PRRT1B: variants seen among roughly 807,000 people sequenced by gnomAD.
PRRT1B encodes the protein proline rich transmembrane protein 1B.
intron 1 of PRRT1B, among the ~76,000 whole-genome samples, chr9:131,549,844 G>A (rs1013345416): frequency 3.9e-5 from 6 of 152,016 alleles, no homozygotes; most frequent in African/African-American, 1.2e-4. Flanking sequence ...TTATTAGGCC[G>A]AGACATTTTA....
At chr9:131,545,556 CGACGGCA>C (rs1422893271) in exon 1 of PRRT1B, 2 of 396,374 alleles carry the variant, frequency 5.0e-6, no homozygotes, top group African/African-American at 4.1e-5. Context: ...GGAGCCGGCC[CGACGGCA>C]GGCGCCGGGC....
intron 1 of PRRT1B, among the ~76,000 whole-genome samples, chr9:131,546,021 A>G (rs1027750563): frequency 1.3e-5 from 2 of 152,120 alleles, no homozygotes; most frequent in African/African-American, 4.8e-5. Flanking sequence ...AGAGCCAGGA[A>G]GCTGCTGTGG....
At position 131,551,236 on chromosome 9, in the gene PRRT1B, C is replaced by T. The variant is rs1951010459; in HGVS notation, c.26-3321C>T. Among the ~76,000 whole-genome samples, 1 of 151,970 alleles carries T rather than the reference C, an allele frequency of 6.6e-6. No individual in the cohort carries two copies. Among genetic ancestry groups the T allele is most frequent in the African/African-American group, 2.4e-5 (1 of 41,368 alleles). ...GGATTACGGGTGTGAGCCACCGCGCCCGACCTGCGTTTAGTTTTTCAATTC... is the reference window on the plus strand; with the variant it reads ...GGATTACGGGTGTGAGCCACCGCGCTCGACCTGCGTTTAGTTTTTCAATTC... On this transcript the variant is annotated intron_variant, in intron 1 of 3. Coordinates refer to ENST00000636672, the Ensembl canonical transcript of PRRT1B. This position sits in a 1 kb window ranked among gnomAD's most constrained non-coding sequence, Gnocchi z 4.4.
At chr9:131,552,690 TGA>T (rs760975419) in intron 1 of PRRT1B, among the ~76,000 whole-genome samples, 3,316 of 145,740 alleles carry the variant, frequency 0.023, 64 homozygotes, top group Admixed American at 0.032. Flanking sequence ...TTTTTTTTTT[TGA>T]GACGGAGTCT....
rs571581904 is a variant in PRRT1B, at chr9:131,547,509, AT to A, written c.25+1870del. Reference sequence around the variant, plus strand: ...AAATCCTATAAAACGGCCCCACCCCATGTCCCTTCGCTGACTCTTTTCGGAC... The same window carrying A: ...AAATCCTATAAAACGGCCCCACCCCAGTCCCTTCGCTGACTCTTTTCGGAC... On this transcript the variant is annotated intron_variant, in intron 1 of 3. Transcript: ENST00000636672. Among the ~76,000 whole-genome samples the A allele has an allele frequency of 6.2e-3, 944 of 152,126 alleles. 8 individuals carry two copies. Among genetic ancestry groups the A allele is most frequent in the South Asian group, 0.019 (93 of 4,820 alleles).
intron 1 of PRRT1B, among the ~76,000 whole-genome samples, chr9:131,553,435 A>C (rs1951024936): frequency 6.6e-6 from 1 of 152,190 alleles, no homozygotes. Context: ...TCACAGGTAA[A>C]GGTGTGGAGG....
rs868503370 is a variant in PRRT1B, at chr9:131,548,574, C to T, written c.25+2934C>T. ...GACATCCAGGCATTCTTTTACACAT[C>T]GGTCCCTCCCTAGTCTCTGTTCCCA... On this transcript the variant is annotated intron_variant, in intron 1 of 3. Coordinates refer to ENST00000636672, the Ensembl canonical transcript of PRRT1B. 3.3e-5 allele frequency among the ~76,000 whole-genome samples: 5 copies of T among 152,132 alleles called. No homozygotes were observed. In the South Asian group the frequency reaches 6.2e-4, roughly 19 times the overall value.
chr9:131,554,815 C>G (rs1951036913), exon 2 of PRRT1B: 1 of 360,704 alleles, frequency 2.8e-6, no homozygotes, highest in East Asian at 4.1e-5. Context: ...GCCGGCGGCG[C>G]CCCCCACATC....
exon 1 of PRRT1B, chr9:131,545,584 C>G (rs1028196529): frequency 5.0e-6 from 2 of 397,986 alleles, no homozygotes; most frequent in Non-Finnish European, 4.4e-6. Flanking sequence ...CAGGGAGCCG[C>G]GCAGCCCTTG....
chr9:131,550,853 A>G (rs1329518016), intron 1 of PRRT1B, among the ~76,000 whole-genome samples: 1 of 151,134 alleles, frequency 6.6e-6, no homozygotes. Context: ...GGTCCTCCCA[A>G]TTCTTAGTCA....
chr9:131,545,628 G>C, exon 1 of PRRT1B: 1 of 400,412 alleles, frequency 2.5e-6, no homozygotes, highest in Non-Finnish European at 4.4e-6. Flanking sequence ...GGAGGCAGGA[G>C]CTGGAGGGGC....
At chr9:131,553,651 C>T (rs540830226) in intron 1 of PRRT1B, among the ~76,000 whole-genome samples, 1 of 152,232 alleles carries the variant, frequency 6.6e-6, no homozygotes. Context: ...GTCTGTTTCA[C>T]TCATCCCTCT....
intron 1 of PRRT1B, among the ~76,000 whole-genome samples, chr9:131,552,987 TTCTC>T (rs1261715122): frequency 6.6e-6 from 1 of 151,992 alleles, no homozygotes; most frequent in East Asian, 1.9e-4. Flanking sequence ...TGCCTGGCCA[TTCTC>T]TAAGTTTTGA....
Position 131,551,489 on chromosome 9 carries a change from A to G in PRRT1B, c.26-3068A>G, listed in dbSNP as rs1564416742. ...TTCGCTGCCCCAACACTTCAACATT[A>G]TTTTGTTTTATTTTTCTAATTAATA... On this transcript the variant is annotated intron_variant, in intron 1 of 3. Transcript: ENST00000636672. This position sits in a 1 kb window ranked among gnomAD's most constrained non-coding sequence, Gnocchi z 4.4. Among the ~76,000 whole-genome samples, 1 of 151,888 alleles carries G rather than the reference A, an allele frequency of 6.6e-6. No individual in the cohort carries two copies. Among genetic ancestry groups the G allele is most frequent in the East Asian group, 1.9e-4 (1 of 5,182 alleles).
rs548189026 is a variant in PRRT1B at position 131,551,174 on chromosome 9, C to A, written c.26-3383C>A. Among the ~76,000 whole-genome samples, 1 of 151,958 alleles carries A rather than the reference C, an allele frequency of 6.6e-6. No individual in the cohort carries two copies. Among genetic ancestry groups the A allele is most frequent in the Non-Finnish European group, 1.5e-5 (1 of 67,986 alleles). Reference sequence around the variant, plus strand: ...AGCCAGGATGGTCTCAATCTCCTGACCTCATGATCCACCCGCTTCAGCCTC... The same window carrying A: ...AGCCAGGATGGTCTCAATCTCCTGAACTCATGATCCACCCGCTTCAGCCTC... On this transcript the variant is annotated intron_variant, in intron 1 of 3. Coordinates refer to ENST00000636672, the Ensembl canonical transcript of PRRT1B. This position sits in a 1 kb window ranked among gnomAD's most constrained non-coding sequence, Gnocchi z 4.4.
At chr9:131,558,147 T>C (rs1951062686) in exon 4 of PRRT1B, 2 of 400,800 alleles carry the variant, frequency 5.0e-6, no homozygotes, top group Admixed American at 4.4e-5. Context: ...CTCTTCGGGG[T>C]CTTCGTGTCT....
intron 1 of PRRT1B, among the ~76,000 whole-genome samples, chr9:131,549,865 C>T (rs1386363438): frequency 6.6e-6 from 1 of 152,174 alleles, no homozygotes; most frequent in Non-Finnish European, 1.5e-5. Context: ...ACCAAATTAT[C>T]TGCATTTCAA....
At chr9:131,557,494 C>T (rs1226559432) in intron 3 of PRRT1B, among the ~76,000 whole-genome samples, 3 of 152,168 alleles carry the variant, frequency 2.0e-5, no homozygotes, top group Non-Finnish European at 4.4e-5. Context: ...GCTGAGATCG[C>T]ACCACTGCAC....
chr9:131,554,038 C>T (rs1300142279), intron 1 of PRRT1B, among the ~76,000 whole-genome samples: 1 of 152,110 alleles, frequency 6.6e-6, no homozygotes, highest in Non-Finnish European at 1.5e-5. Context: ...TGCATATGGC[C>T]CTTAGTGACC....
Sources: allele counts gnomAD v4.1 joint callset (sites outside exome capture counted in the v4.1 genomes callset), GRCh38; gene constraint gnomAD v4.1.1; non-coding constraint Gnocchi (gnomAD v3.1); transcripts MANE v1.5; gene names NCBI Gene and HGNC (gene_info 2026-07-23, HGNC 2026-07-21).